KLRG1: variants seen among roughly 807,000 people sequenced by gnomAD.
KLRG1 encodes the protein killer cell lectin like receptor G1, also known as killer cell lectin-like receptor subfamily G member 1.
Under a neutral mutation model 21.8 loss-of-function variants are expected in KLRG1, and 16 were observed. The ratio of observed to expected loss-of-function variants is 0.73; its 90% CI spans 0.50 to 1.11. The LOEUF (loss-of-function observed/expected upper bound fraction) is 1.11. KLRG1 is among the 50% of genes most tolerant of loss of function. The pLI is 0.00. For synonymous variants in KLRG1, 69 were observed against 75.9 expected (o/e 0.91, Z 0.47); for missense variants, 173 against 218.3 (o/e 0.79, Z 1.31).
chr12:9,004,832 T>C (rs1003472085), intron 3 of KLRG1, among the ~76,000 whole-genome samples: 3 of 137,148 alleles, frequency 2.2e-5, no homozygotes, highest in African/African-American at 7.3e-5. Context: ...AGGGATATGG[T>C]AGTCAAGAGT....
chr12:9,086,379 C>A, the KLRG1 span, among the ~76,000 whole-genome samples: 142 of 152,200 alleles, frequency 9.3e-4, no homozygotes, highest in African/African-American at 3.3e-3. Flanking sequence ...ACTAAACCAA[C>A]CAACCAACCA....
the KLRG1 span, chr12:9,203,663 T>TA: frequency 4.4e-6 from 6 of 1,375,282 alleles, no homozygotes; most frequent in Non-Finnish European, 6.0e-6. Flanking sequence ...ACTACATTCT[T>TA]AAAGTCATAC....
the KLRG1 span, among the ~76,000 whole-genome samples, chr12:9,119,452 G>A: frequency 1.3e-5 from 2 of 152,110 alleles, no homozygotes; most frequent in South Asian, 4.2e-4. Flanking sequence ...AAGGACATTG[G>A]GATTCAGCTG....
chr12:9,193,060 T>C, the KLRG1 span, among the ~76,000 whole-genome samples: 13 of 152,228 alleles, frequency 8.5e-5, no homozygotes, highest in African/African-American at 3.1e-4. Context: ...TTTTCAGATA[T>C]TAGAATTACC....
chr12:9,197,919 T>C, the KLRG1 span, among the ~76,000 whole-genome samples: 2 of 128,660 alleles, frequency 1.6e-5, no homozygotes, highest in Non-Finnish European at 1.6e-5. Context: ...ATATTATATA[T>C]TATATAAGTT....
chr12:9,160,299 C>A, the KLRG1 span: 5 of 1,583,620 alleles, frequency 3.2e-6, no homozygotes, highest in South Asian at 1.2e-5. Context: ...GTAAATTTTT[C>A]TCTGTCTCAC....
the KLRG1 span, among the ~76,000 whole-genome samples, chr12:9,096,643 TAGTTAC>T: frequency 6.6e-6 from 1 of 152,226 alleles, no homozygotes; most frequent in Non-Finnish European, 1.5e-5. Flanking sequence ...AAAATTGTGA[TAGTTAC>T]ATTGCATTAT....
At chr12:9,152,462 A>G in the KLRG1 span, 2 of 639,086 alleles carry the variant, frequency 3.1e-6, no homozygotes, top group Non-Finnish European at 5.5e-6. Flanking sequence ...TGCAACACTG[A>G]CATTGGACAC....
At chr12:9,155,427 T>G in the KLRG1 span, among the ~76,000 whole-genome samples, 5 of 152,218 alleles carry the variant, frequency 3.3e-5, no homozygotes, top group African/African-American at 4.8e-5. Context: ...TATAAGCATG[T>G]TCTTTCCTGC....
At chr12:9,070,434 G>T in the KLRG1 span, 2 of 1,163,590 alleles carry the variant, frequency 1.7e-6, no homozygotes, top group Non-Finnish European at 2.6e-6. Context: ...CTTATGCTGG[G>T]GATACATACA....
chr12:9,157,419 T>C, the KLRG1 span: 2 of 1,442,602 alleles, frequency 1.4e-6, no homozygotes, highest in South Asian at 2.5e-5. Flanking sequence ...AGCTGAGAGC[T>C]GGATATTGAC....
the KLRG1 span, among the ~76,000 whole-genome samples, chr12:9,075,655 T>C: frequency 2.0e-5 from 3 of 152,320 alleles, no homozygotes; most frequent in South Asian, 6.2e-4. Flanking sequence ...TCTTGTTTCT[T>C]GAATAAGAGA....
chr12:9,134,021 G>T, the KLRG1 span, among the ~76,000 whole-genome samples: 1 of 152,178 alleles, frequency 6.6e-6, no homozygotes, highest in African/African-American at 2.4e-5. Context: ...GGTAGAGATT[G>T]TCCTAGGAAG....
chr12:9,087,786 TAAAG>T, the KLRG1 span, among the ~76,000 whole-genome samples: 1 of 152,090 alleles, frequency 6.6e-6, no homozygotes, highest in Non-Finnish European at 1.5e-5. Context: ...ACAATGTAAT[TAAAG>T]AACAACAACA....
intron 1 of KLRG1, among the ~76,000 whole-genome samples, chr12:8,991,436 G>A (rs1433458746): frequency 1.3e-5 from 2 of 151,944 alleles, no homozygotes; most frequent in Admixed American, 6.6e-5. Flanking sequence ...TTTCAATTTC[G>A]AGTAGATAAT....
the KLRG1 span, among the ~76,000 whole-genome samples, chr12:9,164,445 G>A: frequency 6.6e-6 from 1 of 152,224 alleles, no homozygotes; most frequent in Non-Finnish European, 1.5e-5. Flanking sequence ...GATTGGTTGT[G>A]TATTAGGAGG....
At chr12:9,113,191 A>G in the KLRG1 span, among the ~76,000 whole-genome samples, 233 of 148,994 alleles carry the variant, frequency 1.6e-3, 1 homozygote, top group African/African-American at 5.5e-3. Context: ...TTTGTCTCCC[A>G]TGGCTGGAGA....
At chr12:9,191,779 A>G in the KLRG1 span, among the ~76,000 whole-genome samples, 2 of 152,152 alleles carry the variant, frequency 1.3e-5, no homozygotes, top group African/African-American at 4.8e-5. Flanking sequence ...TAAAGTACTC[A>G]TGGCCTGGCA....
downstream of KLRG1, among the ~76,000 whole-genome samples, chr12:9,011,038 G>A (rs1805715): frequency 9.7e-3 from 1,481 of 152,284 alleles, 17 homozygotes; most frequent in Non-Finnish European, 0.014. Flanking sequence ...TGTAATGATA[G>A]CGATTCCATG....
Sources: allele counts gnomAD v4.1 joint callset (sites outside exome capture counted in the v4.1 genomes callset), GRCh38; gene constraint gnomAD v4.1.1; transcripts MANE v1.5; gene names NCBI Gene and HGNC (gene_info 2026-07-23, HGNC 2026-07-21).